The following PLEKHA5 variants were observed in gnomAD, a reference collection of about 807,000 sequenced individuals.
PLEKHA5 encodes pleckstrin homology domain-containing family A member 5.
In PLEKHA5, 55 loss-of-function variants were observed where a neutral mutation model predicts 181.9. That is an observed-to-expected ratio of 0.30 (90% CI 0.24 to 0.38). The LOEUF (loss-of-function observed/expected upper bound fraction) is 0.38. Among genes scored for constraint, PLEKHA5 ranks in the 10% least tolerant of loss-of-function variants. PLEKHA5 has a pLI of 1.00. For synonymous variants in PLEKHA5, 535 were observed against 529.4 expected, an observed-to-expected ratio of 1.01 and a Z score of -0.15; for missense variants, 1,432 against 1,549.5, an observed-to-expected ratio of 0.92 and a Z score of 1.27.
At position 19,167,405 on chromosome 12, in the gene PLEKHA5, A is replaced by ATTTTTTTTTTTTTTTT. The variant is rs56086557; in HGVS notation, c.227+34969_227+34984dup. On this transcript the variant is annotated intron_variant, in intron 3 of 31. Coordinates refer to ENST00000429027, the MANE Select transcript of PLEKHA5 (RefSeq NM_001256470.2). The stretch of plus-strand genomic sequence containing the variant: ...CACTCTGCAAGTCTTCTGAGGCTTA[A>ATTTTTTTTTTTTTTTT]TTTTTTTTTTTTTTTTTTTTTTTTT... Among the ~76,000 whole-genome samples the ATTTTTTTTTTTTTTTT allele has an allele frequency of 6.5e-4, 59 of 91,224 alleles. 2 individuals are homozygous for ATTTTTTTTTTTTTTTT. Among genetic ancestry groups the ATTTTTTTTTTTTTTTT allele is most frequent in the African/African-American group, 2.3e-3 (50 of 22,098 alleles). 59.8% of individuals were successfully genotyped at this position (91,224 alleles called of 152,430 possible).
intron 26 of PLEKHA5, among the ~76,000 whole-genome samples, chr12:19,357,069 G>A (rs915864981): frequency 1.3e-4 from 20 of 152,156 alleles, no homozygotes; most frequent in African/African-American, 4.1e-4. Flanking sequence ...CACGGTAAAT[G>A]TATAACTTAA....
At chr12:19,374,514 CTGGGCG>C (rs2095664478) in intron 31 of PLEKHA5, among the ~76,000 whole-genome samples, 1 of 151,238 alleles carries the variant, frequency 6.6e-6, no homozygotes, top group Admixed American at 6.6e-5. Context: ...CAAAAATTAG[CTGGGCG>C]TGGTGGCATG....
At chr12:19,297,591 C>T (rs370671479) in intron 15 of PLEKHA5, among the ~76,000 whole-genome samples, 11 of 145,378 alleles carry the variant, frequency 7.6e-5, no homozygotes, top group Admixed American at 1.4e-4. Flanking sequence ...CACTGCAGTC[C>T]GCAGTCCGGC....
chr12:19,240,740 G>A (rs2062404306), intron 3 of PLEKHA5, among the ~76,000 whole-genome samples: 1 of 151,798 alleles, frequency 6.6e-6, no homozygotes, highest in Admixed American at 6.6e-5. Context: ...CCAAAGTGCT[G>A]GGATTACAGG....
rs115587489 is a variant in PLEKHA5, at chr12:19,197,561, T to C, written c.228-56379T>C. 9.0e-3 allele frequency among the ~76,000 whole-genome samples: 1,371 copies of C among 152,238 alleles called. 24 individuals are homozygous for C. The highest frequency in any genetic ancestry group is 0.031 in the African/African-American group (1,288 of 41,538). On this transcript the variant is annotated intron_variant, in intron 3 of 31. Transcript: ENST00000429027. Reference sequence around the variant, plus strand: ...ACTACATCGTTTATTGTGTTTGCACTTGTCTTCTCTGATAGAAGCTCCCTG... The same window carrying C: ...ACTACATCGTTTATTGTGTTTGCACCTGTCTTCTCTGATAGAAGCTCCCTG...
At chr12:19,306,390 G>A (rs1592413467) in intron 15 of PLEKHA5, 1 of 514,656 alleles carries the variant, frequency 1.9e-6, no homozygotes, top group Non-Finnish European at 3.8e-6. Context: ...CCTCCCCCGC[G>A]GCGTGCAGTG....
chr12:19,160,615 A>T (rs1209177009), intron 3 of PLEKHA5, among the ~76,000 whole-genome samples: 1 of 152,132 alleles, frequency 6.6e-6, no homozygotes, highest in Non-Finnish European at 1.5e-5. Context: ...ACACATTCAT[A>T]ACTTGATTCA....
intron 3 of PLEKHA5, among the ~76,000 whole-genome samples, chr12:19,220,570 C>T (rs2058789874): frequency 6.6e-6 from 1 of 152,100 alleles, no homozygotes; most frequent in African/African-American, 2.4e-5. Context: ...TGCACTATTT[C>T]TATGAATGTA....
intron 3 of PLEKHA5, among the ~76,000 whole-genome samples, chr12:19,199,775 A>C (rs190821237): frequency 6.6e-6 from 1 of 152,244 alleles, no homozygotes; most frequent in Admixed American, 6.5e-5. Flanking sequence ...TCTATATTTT[A>C]TTCTCTAAGG....
At chr12:19,329,595 A>G (rs1318634476) in intron 20 of PLEKHA5, among the ~76,000 whole-genome samples, 1 of 152,072 alleles carries the variant, frequency 6.6e-6, no homozygotes, top group Non-Finnish European at 1.5e-5. Context: ...TATCTATTTC[A>G]TCTAGATTTT....
At chr12:19,257,194 A>G (rs928866995) in intron 5 of PLEKHA5, among the ~76,000 whole-genome samples, 3 of 152,188 alleles carry the variant, frequency 2.0e-5, no homozygotes, top group East Asian at 1.9e-4. Context: ...TATCCTATCC[A>G]GATTTTAAAG....
At chr12:19,179,124 G>A (rs1409200316) in intron 3 of PLEKHA5, among the ~76,000 whole-genome samples, 1 of 152,150 alleles carries the variant, frequency 6.6e-6, no homozygotes, top group Non-Finnish European at 1.5e-5. Flanking sequence ...TGGGAAATAA[G>A]TTTTTCAGTT....
At chr12:19,168,328 T>C (rs995827897) in intron 3 of PLEKHA5, among the ~76,000 whole-genome samples, 1 of 152,204 alleles carries the variant, frequency 6.6e-6, no homozygotes, top group Non-Finnish European at 1.5e-5. Context: ...AAAAATATTA[T>C]GTTTTATGTA....
intron 3 of PLEKHA5, among the ~76,000 whole-genome samples, chr12:19,198,286 C>T (rs1481475681): frequency 1.3e-5 from 2 of 152,168 alleles, no homozygotes; most frequent in Admixed American, 6.5e-5. Context: ...AGCTGTTTTC[C>T]TCTCACCCTA....
intron 3 of PLEKHA5, among the ~76,000 whole-genome samples, chr12:19,248,271 C>T (rs1042999493): frequency 2.0e-5 from 3 of 152,208 alleles, no homozygotes; most frequent in African/African-American, 7.2e-5. Context: ...TATCTCAACT[C>T]ACTGCAGCCT....
chr12:19,168,929 T>C lies in PLEKHA5; in HGVS notation c.227+36479T>C, dbSNP rs369688261. On this transcript the variant is annotated intron_variant, in intron 3 of 31. Transcript: ENST00000429027. ...CCTGATTCTAGCCATATAACCTCTTTGAGTTTCTGTCTCTTTTTCTGTAAA... is the reference window on the plus strand; with the variant it reads ...CCTGATTCTAGCCATATAACCTCTTCGAGTTTCTGTCTCTTTTTCTGTAAA... Among the ~76,000 whole-genome samples the C allele has an allele frequency of 1.4e-4, 22 of 152,316 alleles. No individual in the cohort carries two copies. In the East Asian group the frequency reaches 2.9e-3, roughly 20 times the overall value.
chr12:19,298,977 C>T (rs1332835957), intron 15 of PLEKHA5, among the ~76,000 whole-genome samples: 8 of 152,202 alleles, frequency 5.3e-5, no homozygotes, highest in Non-Finnish European at 7.3e-5. Flanking sequence ...GACAGCCTGA[C>T]ACCAGTCTCT....
chr12:19,295,467 C>G (rs2079522370), intron 15 of PLEKHA5, among the ~76,000 whole-genome samples: 1 of 152,076 alleles, frequency 6.6e-6, no homozygotes, highest in Non-Finnish European at 1.5e-5. Context: ...AAAGTGGGGT[C>G]TCCTCCCCTG....
Position 19,320,432 on chromosome 12 carries a change from G to T in PLEKHA5, c.2155-130G>T. On this transcript the variant is annotated intron_variant, in intron 17 of 31. Transcript: ENST00000429027. ...CAGTGTTTGAATTAAACTTCTAAAA[G>T]TGTAAGAATCATTAAAATCTATTTT... is the stretch of plus-strand genomic sequence containing the variant. The T allele has an allele frequency of 5.9e-6, 3 of 509,878 alleles. No homozygotes were observed. The South Asian group carries it at 9.4e-5, about 16-fold the overall frequency. The allele number at this position is 509,878 out of a possible 1,614,324, so 31.6% of individuals were successfully genotyped here. A position where few individuals can be genotyped will look rare whatever the true frequency, so the allele number is the denominator to read the frequency against.
Sources: allele counts gnomAD v4.1 joint callset (sites outside exome capture counted in the v4.1 genomes callset), GRCh38; gene constraint gnomAD v4.1.1; transcripts MANE v1.5; gene names NCBI Gene and HGNC (gene_info 2026-07-23, HGNC 2026-07-21).